CSMD1: variants seen among roughly 807,000 people sequenced by gnomAD.
The protein encoded by CSMD1 is CUB and Sushi multiple domains 1, also known as CUB and sushi domain-containing protein 1.
CSMD1 carries 213 observed loss-of-function variants against 417.5 expected under a neutral mutation model. The ratio of observed to expected loss-of-function variants is 0.51; its 90% CI spans 0.46 to 0.57. The LOEUF (loss-of-function observed/expected upper bound fraction) is 0.57. CSMD1 is among the 20% of genes least tolerant of loss of function. The pLI, the probability that CSMD1 is intolerant of heterozygous loss-of-function variation, is 0.00. For synonymous variants in CSMD1, 2,862 were observed against 1,736.8 expected, an observed-to-expected ratio of 1.65 and a Z score of -16.11; for missense variants, 6,923 against 4,529.7, an observed-to-expected ratio of 1.53 and a Z score of -15.17.
chr8:4,353,184 G>A (rs146465883), intron 3 of CSMD1, among the ~76,000 whole-genome samples: 8 of 152,216 alleles, frequency 5.3e-5, no homozygotes, highest in Admixed American at 1.3e-4. Context: ...TAATCCCCAC[G>A]TGTCAAGTGT....
chr8:3,575,053 T>A lies in CSMD1; in HGVS notation c.1236A>T (p.Gly412=). 6.2e-7 allele frequency: 1 copy of A among 1,613,132 alleles called. No individual in the cohort carries two copies. Among genetic ancestry groups the A allele is most frequent in the East Asian group, 2.2e-5 (1 of 44,824 alleles). ...HRPICRARTC[G]SNLRGPSGVI... ...CGCCGCTGGGCCCACGCAGATTGGA[T>A]CCACATGTTCTCGCTGGAAACACAT... The change falls in exon 10 of 70, where the codon GGA becomes GGT. Residue 412 remains glycine, a synonymous_variant. Transcript: ENST00000635120.
chr8:4,724,775 A>G (rs1364881150), intron 1 of CSMD1, among the ~76,000 whole-genome samples: 2 of 152,136 alleles, frequency 1.3e-5, no homozygotes, highest in Non-Finnish European at 2.9e-5. Context: ...AAGTTAAGAT[A>G]TACAGCATAG....
At chr8:4,155,470 G>C (rs1025041431) in intron 3 of CSMD1, among the ~76,000 whole-genome samples, 14 of 152,166 alleles carry the variant, frequency 9.2e-5, no homozygotes, top group Non-Finnish European at 2.9e-5. Context: ...GTAAGTATGT[G>C]TTTCCTTCTA....
rs139412087 is a variant in CSMD1 at position 4,269,289 on chromosome 8, C to A, written c.415+150664G>T. Among the ~76,000 whole-genome samples the A allele has an allele frequency of 5.3e-5, 8 of 152,204 alleles. No homozygotes were observed. In the East Asian group the frequency reaches 1.5e-3, roughly 29 times the overall value. The stretch of plus-strand genomic sequence containing the variant: ...CCAGGCTGGTCTTGAACCTCCAACT[C>A]TTGATCTCAGGTGATCCACCCGCAC... On this transcript the variant is annotated intron_variant, in intron 3 of 69. Transcript: ENST00000635120.
chr8:4,707,770 C>G (rs1377052224), intron 1 of CSMD1, among the ~76,000 whole-genome samples: 1 of 151,600 alleles, frequency 6.6e-6, no homozygotes, highest in Non-Finnish European at 1.5e-5. Flanking sequence ...GCCTGTAATC[C>G]CAGCTACTCG....
chr8:4,780,889 C>G (rs114569278), intron 1 of CSMD1, among the ~76,000 whole-genome samples: 1 of 152,128 alleles, frequency 6.6e-6, no homozygotes, highest in South Asian at 2.1e-4. Flanking sequence ...TCACTGAAAA[C>G]GCTGTTCATT....
chr8:3,872,393 CTG>C (rs1805535730), intron 5 of CSMD1, among the ~76,000 whole-genome samples: 1 of 152,172 alleles, frequency 6.6e-6, no homozygotes, highest in African/African-American at 2.4e-5. Context: ...TGACTCTCAA[CTG>C]TTCATTACTA....
intron 6 of CSMD1, among the ~76,000 whole-genome samples, chr8:3,710,155 G>A (rs75289981): frequency 0.044 from 6,610 of 151,918 alleles, 216 homozygotes; most frequent in South Asian, 0.072. Flanking sequence ...TAGGCTATAA[G>A]AGTTGTCTGC....
intron 5 of CSMD1, among the ~76,000 whole-genome samples, chr8:3,822,989 C>T (rs771557928): frequency 3.9e-5 from 6 of 152,062 alleles, no homozygotes; most frequent in Admixed American, 6.6e-5. Context: ...GCCCAGGTTC[C>T]CTTTGGTTAC....
At chr8:4,228,457 G>A (rs928841963) in intron 3 of CSMD1, among the ~76,000 whole-genome samples, 3 of 152,094 alleles carry the variant, frequency 2.0e-5, no homozygotes, top group African/African-American at 7.2e-5. Flanking sequence ...TCACCTGAAA[G>A]CAGCACCACA....
intron 3 of CSMD1, among the ~76,000 whole-genome samples, chr8:4,062,798 T>C (rs138085965): frequency 6.6e-6 from 1 of 152,012 alleles, no homozygotes; most frequent in African/African-American, 2.4e-5. Flanking sequence ...CCAGTATCTG[T>C]CAGCATCACG....
chr8:4,330,662 C>T (rs1262907389), intron 3 of CSMD1, among the ~76,000 whole-genome samples: 1 of 151,882 alleles, frequency 6.6e-6, no homozygotes, highest in Non-Finnish European at 1.5e-5. Context: ...ACCTCTTATG[C>T]CTTTAAGTTT....
At chr8:4,900,367 C>T (rs1804786059) in intron 1 of CSMD1, among the ~76,000 whole-genome samples, 1 of 152,214 alleles carries the variant, frequency 6.6e-6, no homozygotes, top group Non-Finnish European at 1.5e-5. Context: ...AATGTTGGAG[C>T]AACCCTTGAC....
At chr8:3,408,644 G>C (rs1378261636) in intron 13 of CSMD1, among the ~76,000 whole-genome samples, 1 of 151,956 alleles carries the variant, frequency 6.6e-6, no homozygotes, top group Non-Finnish European at 1.5e-5. Context: ...ACTTTCCTGT[G>C]AGTGCATTTT....
intron 7 of CSMD1, among the ~76,000 whole-genome samples, chr8:3,655,300 T>C (rs1380833763): frequency 2.0e-5 from 3 of 152,216 alleles, no homozygotes; most frequent in Admixed American, 1.3e-4. Flanking sequence ...TTGTGCATGA[T>C]CCTTCAATTT....
At chr8:4,490,231 A>G (rs1342964746) in intron 2 of CSMD1, among the ~76,000 whole-genome samples, 1 of 151,928 alleles carries the variant, frequency 6.6e-6, no homozygotes, top group African/African-American at 2.4e-5. Context: ...TAGTAGAGAC[A>G]GGGTTTCACC....
intron 3 of CSMD1, among the ~76,000 whole-genome samples, chr8:4,276,454 T>C (rs1585142263): frequency 6.6e-6 from 1 of 152,164 alleles, no homozygotes; most frequent in East Asian, 1.9e-4. Context: ...GAGGGGAACA[T>C]CACACACCAG....
chr8:4,374,142 A>C (rs1186238940), intron 3 of CSMD1, among the ~76,000 whole-genome samples: 1 of 152,072 alleles, frequency 6.6e-6, no homozygotes, highest in Non-Finnish European at 1.5e-5. Context: ...CAGCTGGATA[A>C]GTACGTCCTT....
At chr8:4,602,303 A>C (rs1258623491) in intron 2 of CSMD1, among the ~76,000 whole-genome samples, 1 of 152,182 alleles carries the variant, frequency 6.6e-6, no homozygotes, top group Non-Finnish European at 1.5e-5. Flanking sequence ...TGCACAAATA[A>C]GGCACTTCAG....
Sources: gnomAD v4.1 joint callset for allele counts (sites outside exome capture counted in the v4.1 genomes callset) on GRCh38, gnomAD v4.1.1 for gene constraint, MANE v1.5 for transcripts, NCBI Gene and HGNC (gene_info 2026-07-23, HGNC 2026-07-21) for gene names.